Variants in NAALADL2 observed in about 807,000 individuals in gnomAD.
NAALADL2 encodes the protein inactive N-acetylated-alpha-linked acidic dipeptidase-like protein 2.
NAALADL2 carries 76 observed loss-of-function variants against 87.2 expected under a neutral mutation model. The ratio of observed to expected loss-of-function variants is 0.87; its 90% CI spans 0.72 to 1.05. The LOEUF (loss-of-function observed/expected upper bound fraction) is 1.05, where lower values mean the gene tolerates loss of function less well. Among genes scored for constraint, NAALADL2 ranks in the 50% least tolerant of loss-of-function variants. The pLI is 0.00. For synonymous variants in NAALADL2, 354 were observed against 331.0 expected, an observed-to-expected ratio of 1.07 and a Z score of -0.75; for missense variants, 1,089 against 945.8, an observed-to-expected ratio of 1.15 and a Z score of -1.99.
intron 2 of NAALADL2, among the ~76,000 whole-genome samples, chr3:175,231,395 A>T (rs1560199127): frequency 6.6e-6 from 1 of 152,132 alleles, no homozygotes; most frequent in African/African-American, 2.4e-5. Flanking sequence ...AAAATGATGT[A>T]ATAAAGTACA....
intron 12 of NAALADL2, among the ~76,000 whole-genome samples, chr3:175,749,031 C>CA (rs1365184181): frequency 6.7e-6 from 1 of 150,298 alleles, no homozygotes; most frequent in Non-Finnish European, 1.5e-5. Context: ...CTCTTGAGCT[C>CA]AGGAGGTCAT....
intron 9 of NAALADL2, among the ~76,000 whole-genome samples, chr3:175,488,816 C>T (rs1467885435): frequency 4.6e-5 from 7 of 152,156 alleles, no homozygotes; most frequent in South Asian, 4.1e-4. Flanking sequence ...AGGACATCCC[C>T]GGCTTGACTA....
At chr3:175,641,179 G>A (rs1729238814) in intron 11 of NAALADL2, among the ~76,000 whole-genome samples, 1 of 152,074 alleles carries the variant, frequency 6.6e-6, no homozygotes, top group Admixed American at 6.5e-5. Flanking sequence ...CTCACTCCCA[G>A]GCTTCTGGCA....
chr3:175,404,820 G>A (rs1389257261), intron 5 of NAALADL2, among the ~76,000 whole-genome samples: 3 of 152,140 alleles, frequency 2.0e-5, no homozygotes, highest in Non-Finnish European at 4.4e-5. Flanking sequence ...TACTATCCAT[G>A]TGGTGAGATA....
intron 10 of NAALADL2, among the ~76,000 whole-genome samples, chr3:175,601,754 C>T (rs1465100946): frequency 2.0e-5 from 3 of 152,132 alleles, no homozygotes; most frequent in Non-Finnish European, 4.4e-5. Flanking sequence ...AATTCAATAT[C>T]TTTCATAAAC....
At chr3:175,311,623 C>T (rs1758372891) in intron 4 of NAALADL2, among the ~76,000 whole-genome samples, 1 of 149,588 alleles carries the variant, frequency 6.7e-6, no homozygotes, top group Non-Finnish European at 1.5e-5. Context: ...TTCCTTCTTC[C>T]CTCCCTCCCT....
intron 9 of NAALADL2, among the ~76,000 whole-genome samples, chr3:175,529,029 C>T (rs563832336): frequency 5.3e-5 from 8 of 152,290 alleles, no homozygotes; most frequent in African/African-American, 1.9e-4. Flanking sequence ...TAACCCAAAC[C>T]TTCATTCCTG....
At chr3:175,772,781 C>T (rs1399572358) in intron 13 of NAALADL2, among the ~76,000 whole-genome samples, 2 of 152,254 alleles carry the variant, frequency 1.3e-5, no homozygotes, top group African/African-American at 2.4e-5. Flanking sequence ...TTCCATTCTC[C>T]AACCCTAGGA....
In NAALADL2 at chr3:175,805,686, A is replaced by G. The variant is rs925872383; in HGVS notation, c.*2483A>G. On this transcript the variant is annotated 3_prime_UTR_variant, in exon 14 of 14. Coordinates refer to ENST00000454872, the MANE Select transcript of NAALADL2 (RefSeq NM_207015.3). ...TGGTAGTAGGTTTAAGCTGTTGCTGAGTCGTCTATATGCCTGGTACTTCTC... is the reference window on the plus strand; with the variant it reads ...TGGTAGTAGGTTTAAGCTGTTGCTGGGTCGTCTATATGCCTGGTACTTCTC... 7.3e-5 allele frequency: 11 copies of G among 151,684 alleles called. No individual in the cohort carries two copies. The highest frequency in any genetic ancestry group is 2.7e-4 in the African/African-American group (11 of 41,372). 9.4% of individuals were successfully genotyped at this position (151,684 alleles called of 1,614,324 possible). A position where few individuals can be genotyped will look rare whatever the true frequency, so the allele number is the denominator to read the frequency against.
intron 8 of NAALADL2, among the ~76,000 whole-genome samples, chr3:175,468,053 A>C (rs373903350): frequency 2.0e-5 from 3 of 152,154 alleles, no homozygotes; most frequent in Non-Finnish European, 4.4e-5. Context: ...GAGGAGAAAA[A>C]TTTAATAGGA....
chr3:175,495,798 G>A (rs1345283003), intron 9 of NAALADL2, among the ~76,000 whole-genome samples: 4 of 151,564 alleles, frequency 2.6e-5, no homozygotes, highest in East Asian at 1.9e-4. Flanking sequence ...TATTTTAATT[G>A]TGTCTAAGGA....
chr3:175,290,664 C>T (rs1461580195), intron 4 of NAALADL2, among the ~76,000 whole-genome samples: 1 of 152,090 alleles, frequency 6.6e-6, no homozygotes, highest in Non-Finnish European at 1.5e-5. Context: ...GCAATCAGAC[C>T]TTGGCGATGA....
intron 9 of NAALADL2, among the ~76,000 whole-genome samples, chr3:175,505,395 T>C (rs1730168852): frequency 6.6e-6 from 1 of 152,098 alleles, no homozygotes; most frequent in Admixed American, 6.6e-5. Flanking sequence ...AGTAAAATTT[T>C]CCCACTAGAA....
chr3:175,514,412 ACAT>A (rs953970341), intron 9 of NAALADL2, among the ~76,000 whole-genome samples: 7 of 152,180 alleles, frequency 4.6e-5, no homozygotes, highest in Non-Finnish European at 7.3e-5. Flanking sequence ...GGTTTTCATC[ACAT>A]TTTTCATTGT....
chr3:175,076,827 C>T (rs1265068996), intron 1 of NAALADL2, among the ~76,000 whole-genome samples: 1 of 152,120 alleles, frequency 6.6e-6, no homozygotes, highest in Non-Finnish European at 1.5e-5. Context: ...AATGCAAATA[C>T]TTTAAAGGTA....
intron 1 of NAALADL2, among the ~76,000 whole-genome samples, chr3:175,047,088 C>G (rs544492682): frequency 6.8e-4 from 104 of 152,264 alleles, no homozygotes; most frequent in African/African-American, 2.4e-3. Context: ...GAGCACGAAT[C>G]CCATTCACAA....
intron 2 of NAALADL2, among the ~76,000 whole-genome samples, chr3:175,221,303 C>T (rs6800873): frequency 0.46 from 69,682 of 151,622 alleles, 17,073 homozygotes; most frequent in African/African-American, 0.62. Flanking sequence ...TTTTCTACTC[C>T]TTTGTTATTT....
At position 175,225,928 on chromosome 3, in the gene NAALADL2, G is replaced by A. The variant is rs1223603846; in HGVS notation, c.546-8003G>A. Among the ~76,000 whole-genome samples, 3 of 152,188 alleles carry A rather than the reference G, an allele frequency of 2.0e-5. No individual in the cohort carries two copies. In the South Asian group the frequency reaches 6.2e-4, roughly 32 times the overall value. On this transcript the variant is annotated intron_variant, in intron 2 of 13. Coordinates refer to ENST00000454872, the MANE Select transcript of NAALADL2 (RefSeq NM_207015.3). Reference sequence around the variant, plus strand: ...TGAAAGATGTAGAGTTATAATACTGGATTTTTTTTCTGGCACAGGTAATAG... The same window carrying A: ...TGAAAGATGTAGAGTTATAATACTGAATTTTTTTTCTGGCACAGGTAATAG...
rs953873288 is a variant in NAALADL2, at chr3:174,898,136, A to G, written c.43+38686A>G. On this transcript the variant is annotated intron_variant, in intron 1 of 13. Transcript: ENST00000454872. ...TCAAAAAAAAAAAAAAAAAAAAAAA[A>G]AAAAAAAGAAAAAAAGAATGAGATC... 1.4e-4 allele frequency among the ~76,000 whole-genome samples: 19 copies of G among 132,236 alleles called. 2 individuals are homozygous for G. Among genetic ancestry groups the G allele is most frequent in the African/African-American group, 5.8e-4 (16 of 27,426 alleles). 86.8% of individuals were successfully genotyped at this position (132,236 alleles called of 152,430 possible).
Sources: gnomAD v4.1 joint callset for allele counts (sites outside exome capture counted in the v4.1 genomes callset) on GRCh38, gnomAD v4.1.1 for gene constraint, MANE v1.5 for transcripts, NCBI Gene and HGNC (gene_info 2026-07-23, HGNC 2026-07-21) for gene names.